PPP4R3B: variants seen among roughly 807,000 people sequenced by gnomAD.
PPP4R3B encodes the protein protein phosphatase 4 regulatory subunit 3B.
Under a neutral mutation model 95.4 loss-of-function variants are expected in PPP4R3B, and 52 were observed. That is an observed-to-expected ratio of 0.54 (90% confidence interval 0.44 to 0.69). The LOEUF is 0.69. Among genes scored for constraint, PPP4R3B ranks in the 30% least tolerant of loss-of-function variants. The pLI, the probability that PPP4R3B is intolerant of heterozygous loss-of-function variation, is 0.00. For missense variants in PPP4R3B, 1,003 were observed against 1,005.9 expected (o/e 1.00, Z 0.04); for synonymous variants, 407 against 343.9 (o/e 1.18, Z -2.03).
chr2:55,577,435 A>C, intron 10 of PPP4R3B, 79 bp from the exon 11 acceptor site: 1 of 1,243,206 alleles, frequency 8.0e-7, no homozygotes, highest in East Asian at 3.3e-5. Context: ...ATAATATACA[A>C]TGCATGTCTT....
intron 2 of PPP4R3B, 25 bp downstream of exon 2, chr2:55,615,426 A>G: frequency 1.3e-6 from 2 of 1,541,712 alleles, no homozygotes; most frequent in Non-Finnish European, 1.8e-6. Flanking sequence ...GAAGTCTTTC[A>G]AATTAAAGAT....
At chr2:55,571,202 C>G (rs774976709) in intron 12 of PPP4R3B, among the ~76,000 whole-genome samples, 1 of 151,514 alleles carries the variant, frequency 6.6e-6, no homozygotes, top group East Asian at 1.9e-4. Context: ...CCCAGCTACT[C>G]GAAAGGCTGA....
intron 7 of PPP4R3B, among the ~76,000 whole-genome samples, chr2:55,583,372 A>G (rs1030529595): frequency 1.3e-5 from 2 of 152,208 alleles, no homozygotes; most frequent in African/African-American, 4.8e-5. Context: ...GTTATAAGAA[A>G]AAAAAACACT....
chr2:55,606,933 T>C (rs1452035203), intron 2 of PPP4R3B, among the ~76,000 whole-genome samples: 1 of 152,172 alleles, frequency 6.6e-6, no homozygotes, highest in Non-Finnish European at 1.5e-5. Flanking sequence ...CTTTGTCCCA[T>C]GGTTGACAGT....
intron 4 of PPP4R3B, among the ~76,000 whole-genome samples, chr2:55,595,618 A>G (rs566146843): frequency 3.6e-4 from 55 of 152,220 alleles, no homozygotes; most frequent in Admixed American, 1.2e-3. Flanking sequence ...TATAAAAAAG[A>G]GTAGCCCCTT....
chr2:55,558,745 A>G (rs751118442), intron 16 of PPP4R3B, 30 bp downstream of exon 16: 13 of 1,437,530 alleles, frequency 9.0e-6, no homozygotes, highest in Admixed American at 2.3e-5. Flanking sequence ...CGGGAAAAGC[A>G]AAGTTTGTGT....
In PPP4R3B at chr2:55,573,062, T is replaced by TA. The variant is rs941005412; in HGVS notation, c.1765+556dup. Among the ~76,000 whole-genome samples the TA allele has an allele frequency of 9.7e-4, 148 of 152,294 alleles. 1 individual carries two copies. The highest frequency in any genetic ancestry group is 3.4e-3 in the African/African-American group (140 of 41,568). On this transcript the variant is annotated intron_variant, in intron 12 of 16. Transcript: ENST00000616407. Reference sequence around the variant, plus strand: ...GAAAAAAAGAAATAATGCAGACAGTTAACACTGGCTATTTTAAGTCCATAA... The same window carrying TA: ...GAAAAAAAGAAATAATGCAGACAGTTAAACACTGGCTATTTTAAGTCCATAA...
At chr2:55,612,666 C>A (rs542149125) in intron 2 of PPP4R3B, among the ~76,000 whole-genome samples, 2 of 151,944 alleles carry the variant, frequency 1.3e-5, no homozygotes, top group South Asian at 4.2e-4. Context: ...TAAGGTTGGC[C>A]GGGCTTGGTG....
At chr2:55,610,160 T>C (rs1485117954) in intron 2 of PPP4R3B, among the ~76,000 whole-genome samples, 4 of 152,198 alleles carry the variant, frequency 2.6e-5, no homozygotes, top group Non-Finnish European at 5.9e-5. Context: ...TCCAGCACTT[T>C]CTGGAAAATA....
intron 4 of PPP4R3B, among the ~76,000 whole-genome samples, chr2:55,595,395 T>G (rs112985449): frequency 6.6e-6 from 1 of 151,682 alleles, no homozygotes; most frequent in Non-Finnish European, 1.5e-5. Flanking sequence ...TTTGGGAGGG[T>G]GAGGAGCATC....
intron 13 of PPP4R3B, among the ~76,000 whole-genome samples, chr2:55,567,850 T>C (rs1472450215): frequency 6.6e-6 from 1 of 152,184 alleles, no homozygotes; most frequent in African/African-American, 2.4e-5. Flanking sequence ...AATGAGATCA[T>C]GAAACATTTG....
At position 55,604,094 on chromosome 2, in the gene PPP4R3B, T is replaced by A; in HGVS notation, c.199-18A>T. ...AATGTATCCTGTTTAAAAATAAATATTTCCATATCATCACACTAGAAAAGA... is the reference window on the plus strand; with the variant it reads ...AATGTATCCTGTTTAAAAATAAATAATTCCATATCATCACACTAGAAAAGA... On this transcript the variant is annotated intron_variant, in intron 2 of 16. Transcript: ENST00000616407. 1 of 1,565,954 alleles carries A rather than the reference T, an allele frequency of 6.4e-7. No individual in the cohort carries two copies. The highest frequency in any genetic ancestry group is 8.7e-7 in the Non-Finnish European group (1 of 1,149,614).
chr2:55,569,327 C>A (rs1687691236), intron 12 of PPP4R3B, among the ~76,000 whole-genome samples: 1 of 152,014 alleles, frequency 6.6e-6, no homozygotes, highest in African/African-American at 2.4e-5. Context: ...TCACCCTTTC[C>A]CTGGGGGAGT....
At chr2:55,564,553 G>A (rs1687044910) in intron 14 of PPP4R3B, 56 bp from the exon 15 acceptor site, 1 of 1,443,152 alleles carries the variant, frequency 6.9e-7, no homozygotes, top group Non-Finnish European at 9.3e-7. Flanking sequence ...TCATCAGATT[G>A]AACTGAAGGA....
At chr2:55,591,024 G>A (rs1335400840) in intron 4 of PPP4R3B, among the ~76,000 whole-genome samples, 1 of 152,006 alleles carries the variant, frequency 6.6e-6, no homozygotes, top group Non-Finnish European at 1.5e-5. Flanking sequence ...TGACTCAGGT[G>A]TTTCTTTTCG....
chr2:55,584,947 C>T lies in PPP4R3B; in HGVS notation c.1233+104G>A. On this transcript the variant is annotated intron_variant, in intron 7 of 16. Coordinates refer to ENST00000616407, the MANE Select transcript of PPP4R3B (RefSeq NM_001122964.3). Reference sequence around the variant, plus strand: ...AACAAGTCAGAAATCTATTATTTTGCTCCCAAGAAAGATTAAGATTATGTT... The same window carrying T: ...AACAAGTCAGAAATCTATTATTTTGTTCCCAAGAAAGATTAAGATTATGTT... The T allele has an allele frequency of 3.4e-6, 3 of 880,296 alleles. No homozygotes were observed. In the South Asian group the frequency reaches 5.1e-5, roughly 15 times the overall value. 54.5% of individuals were successfully genotyped at this position (880,296 alleles called of 1,614,324 possible).
At chr2:55,598,216 A>G (rs2627782) in intron 4 of PPP4R3B, among the ~76,000 whole-genome samples, 200 bp downstream of exon 4, 72,750 of 151,916 alleles carry the variant, frequency 0.48, 18,562 homozygotes, top group Non-Finnish European at 0.57. Context: ...CGAGACTCCG[A>G]CTCAAAAAAA....
At chr2:55,594,499 A>G (rs1028447544) in intron 4 of PPP4R3B, among the ~76,000 whole-genome samples, 6 of 152,076 alleles carry the variant, frequency 3.9e-5, no homozygotes, top group Admixed American at 2.6e-4. Context: ...TCACAAATAA[A>G]CCTATTATAA....
chr2:55,586,091 T>C (rs112232073), intron 6 of PPP4R3B, among the ~76,000 whole-genome samples: 19 of 152,316 alleles, frequency 1.2e-4, no homozygotes, highest in African/African-American at 4.6e-4. Flanking sequence ...AAAAAATTAT[T>C]TTTCATAAAA....
Sources: gnomAD v4.1 joint callset for allele counts (sites outside exome capture counted in the v4.1 genomes callset) on GRCh38, gnomAD v4.1.1 for gene constraint, MANE v1.5 for transcripts, NCBI Gene and HGNC (gene_info 2026-07-23, HGNC 2026-07-21) for gene names.